The following ZNF90 variants were observed in gnomAD, a reference collection of about 807,000 sequenced individuals.
ZNF90 encodes zinc finger protein HTF9.
A neutral mutation model predicts 12.0 loss-of-function variants in ZNF90; 11 were observed. The observed-to-expected ratio is 0.92, with a 90% CI of 0.58 to 1.52. The LOEUF is 1.52. ZNF90 is among the 40% of genes most tolerant of loss of function. The pLI, the probability that ZNF90 is intolerant of heterozygous loss-of-function variation, is 0.00. For synonymous variants in ZNF90, 232 were observed against 240.1 expected, an observed-to-expected ratio of 0.97 and a Z score of 0.31; for missense variants, 765 against 711.5, an observed-to-expected ratio of 1.08 and a Z score of -0.86.
At chr19:20,096,850 A>T (rs2088951356) in intron 1 of ZNF90, among the ~76,000 whole-genome samples, 1 of 152,226 alleles carries the variant, frequency 6.6e-6, no homozygotes, top group Non-Finnish European at 1.5e-5. Flanking sequence ...CCACTGCTCT[A>T]AGTAGCCAAA....
At chr19:20,089,501 C>T (rs1325710861) in intron 1 of ZNF90, among the ~76,000 whole-genome samples, 7 of 151,864 alleles carry the variant, frequency 4.6e-5, no homozygotes, top group South Asian at 4.1e-4. Flanking sequence ...AAAGGAACAT[C>T]GAGAAGGTAA....
intron 1 of ZNF90, among the ~76,000 whole-genome samples, chr19:20,093,553 A>G (rs2088919196): frequency 6.6e-6 from 1 of 152,182 alleles, no homozygotes; most frequent in Admixed American, 6.5e-5. Flanking sequence ...GTCCAGGAAC[A>G]GTCAGGGAAG....
intron 3 of ZNF90, among the ~76,000 whole-genome samples, chr19:20,108,682 A>T (rs2089060262): frequency 7.1e-6 from 1 of 141,536 alleles, no homozygotes. Flanking sequence ...ACATTCTTTT[A>T]TTATTGTTTG....
chr19:20,117,407 CCTTCCTTCCTTCCTTT>C (rs1555705798), intron 3 of ZNF90, among the ~76,000 whole-genome samples: 3 of 144,218 alleles, frequency 2.1e-5, no homozygotes, highest in African/African-American at 8.3e-5. Context: ...CTCCTTCCTT[CCTTCCTTCCTTCCTTT>C]CTTCCTTCCC....
chr19:20,113,535 A>G (rs1307014665), intron 3 of ZNF90, among the ~76,000 whole-genome samples: 1 of 146,968 alleles, frequency 6.8e-6, no homozygotes, highest in African/African-American at 2.5e-5. Flanking sequence ...AGTCATAAAA[A>G]CTCTCCTAAT....
chr19:20,106,728 C>G (rs10414180), intron 3 of ZNF90, among the ~76,000 whole-genome samples: 2 of 152,182 alleles, frequency 1.3e-5, no homozygotes, highest in Non-Finnish European at 2.9e-5. Flanking sequence ...GCTAGGATTA[C>G]AGGCGTGAGC....
At chr19:20,113,858 C>T (rs898143676) in intron 3 of ZNF90, among the ~76,000 whole-genome samples, 17 of 151,968 alleles carry the variant, frequency 1.1e-4, no homozygotes, top group African/African-American at 3.9e-4. Flanking sequence ...CATCAATTTC[C>T]TTGTGAATCT....
chr19:20,113,366 A>G (rs1555705348), intron 3 of ZNF90, among the ~76,000 whole-genome samples: 1 of 151,894 alleles, frequency 6.6e-6, no homozygotes, highest in Non-Finnish European at 1.5e-5. Flanking sequence ...AATTTCATTC[A>G]TACTTTAGTA....
At chr19:20,098,093 C>T (rs561147497) in intron 1 of ZNF90, among the ~76,000 whole-genome samples, 4 of 152,168 alleles carry the variant, frequency 2.6e-5, no homozygotes, top group Non-Finnish European at 4.4e-5. Flanking sequence ...CTTATATTCA[C>T]GTTGTGTCAG....
At chr19:20,090,513 C>T (rs544927230) in intron 1 of ZNF90, among the ~76,000 whole-genome samples, 28 of 152,164 alleles carry the variant, frequency 1.8e-4, no homozygotes, top group African/African-American at 5.3e-4. Context: ...ATCCTGCAGG[C>T]GGACGGCAGT....
chr19:20,091,516 G>A (rs2088902880), intron 1 of ZNF90, among the ~76,000 whole-genome samples: 1 of 152,206 alleles, frequency 6.6e-6, no homozygotes, highest in South Asian at 2.1e-4. Context: ...TGGGGGAGTA[G>A]GTGGGAGTGA....
rs537477098 is a variant in ZNF90, at chr19:20,094,962, G to A, written c.4-9277G>A. Among the ~76,000 whole-genome samples the A allele has an allele frequency of 1.8e-3, 267 of 152,248 alleles. 2 individuals carry two copies. Among genetic ancestry groups the A allele is most frequent in the South Asian group, 0.015 (74 of 4,826 alleles). On this transcript the variant is annotated intron_variant, in intron 1 of 3. Coordinates refer to ENST00000418063, the MANE Select transcript of ZNF90 (RefSeq NM_007138.2). ...GCGGAACTAAACTGTAAGCCGGACC[G>A]GGTGTGAGGAGGGGAGGTGATAGAA...
chr19:20,102,200 A>G (rs781824098), intron 1 of ZNF90, among the ~76,000 whole-genome samples: 3 of 152,202 alleles, frequency 2.0e-5, no homozygotes, highest in Middle Eastern at 3.2e-3. Context: ...TCTATTTTAA[A>G]GTTCAACTTC....
intron 1 of ZNF90, among the ~76,000 whole-genome samples, chr19:20,100,000 G>A (rs1366901781): frequency 2.0e-5 from 3 of 152,098 alleles, no homozygotes; most frequent in African/African-American, 7.2e-5. Context: ...AAAGGAAATA[G>A]AAGTGAACCG....
intron 3 of ZNF90, among the ~76,000 whole-genome samples, chr19:20,113,083 A>G (rs575775718): frequency 3.3e-5 from 5 of 152,326 alleles, no homozygotes; most frequent in Non-Finnish European, 4.4e-5. Context: ...TATTACCAAT[A>G]TAATTATTTC....
At chr19:20,094,160 G>A (rs1204738131) in intron 1 of ZNF90, among the ~76,000 whole-genome samples, 1 of 152,234 alleles carries the variant, frequency 6.6e-6, no homozygotes, top group Non-Finnish European at 1.5e-5. Context: ...CTCCTATGCA[G>A]GAGGTGTGGC....
chr19:20,095,186 G>C (rs1031217381), intron 1 of ZNF90, among the ~76,000 whole-genome samples: 1 of 152,098 alleles, frequency 6.6e-6, no homozygotes, highest in East Asian at 1.9e-4. Context: ...ATCGCATTGG[G>C]AACAGAGGCT....
rs1555706466 is a variant in ZNF90 at position 20,120,786 on chromosome 19, C to T, written c.*1426C>T. ...GCATTGTAATTACATTGAAAGTATA[C>T]TTGCTTTCTTGAGAAAAAATTTTTG... On this transcript the variant is annotated 3_prime_UTR_variant, in exon 4 of 4. Transcript: ENST00000418063. 6.6e-6 allele frequency: 1 copy of T among 152,032 alleles called. No individual in the cohort carries two copies. The highest frequency in any genetic ancestry group is 1.5e-5 in the Non-Finnish European group (1 of 67,998). 9.4% of individuals were successfully genotyped at this position (152,032 alleles called of 1,614,324 possible).
intron 1 of ZNF90, among the ~76,000 whole-genome samples, chr19:20,088,847 G>C (rs2088879993): frequency 6.6e-6 from 1 of 152,224 alleles, no homozygotes; most frequent in South Asian, 2.1e-4. Context: ...AATAGTGGAG[G>C]CAGAAAGTCC....
Sources: allele counts gnomAD v4.1 joint callset (sites outside exome capture counted in the v4.1 genomes callset), GRCh38; gene constraint gnomAD v4.1.1; transcripts MANE v1.5; gene names NCBI Gene and HGNC (gene_info 2026-07-23, HGNC 2026-07-21).